The following ITGA9 variants were observed in gnomAD, a reference collection of about 807,000 sequenced individuals.
The protein encoded by ITGA9 is integrin subunit alpha 9.
A neutral mutation model predicts 127.8 loss-of-function variants in ITGA9; 56 were observed. The observed-to-expected ratio is 0.44, with a 90% confidence interval of 0.35 to 0.55. The LOEUF (loss-of-function observed/expected upper bound fraction) is 0.55. Among genes scored for constraint, ITGA9 ranks in the 20% least tolerant of loss-of-function variants. ITGA9 has a pLI of 0.00. For missense variants in ITGA9, 1,196 were observed against 1,347.1 expected, an observed-to-expected ratio of 0.89 and a Z score of 1.76; for synonymous variants, 508 against 514.5, an observed-to-expected ratio of 0.99 and a Z score of 0.17.
At chr3:37,488,005 C>T (rs1042155004) in intron 4 of ITGA9, among the ~76,000 whole-genome samples, 2 of 152,208 alleles carry the variant, frequency 1.3e-5, no homozygotes, top group African/African-American at 4.8e-5. Context: ...GGAGACCAAT[C>T]TGCTCTAGTC....
At chr3:37,473,136 C>CAAAAAAAAAAAAGAAAAA (rs1698451382) in intron 2 of ITGA9, among the ~76,000 whole-genome samples, 1 of 70,778 alleles carries the variant, frequency 1.4e-5, no homozygotes, top group Non-Finnish European at 2.5e-5. Context: ...GAGACTGTCT[C>CAAAAAAAAAAAAGAAAAA]AAAAAAAAAA....
chr3:37,581,603 C>T (rs1699710448), intron 15 of ITGA9, among the ~76,000 whole-genome samples: 1 of 152,224 alleles, frequency 6.6e-6, no homozygotes. Flanking sequence ...GTTTAGATGG[C>T]AGCTTCCAGA....
chr3:37,509,688 T>G (rs1443836858), intron 8 of ITGA9, among the ~76,000 whole-genome samples: 1 of 152,202 alleles, frequency 6.6e-6, no homozygotes, highest in African/African-American at 2.4e-5. Context: ...GGTTTTGCAT[T>G]TTTCCTCAGA....
intron 17 of ITGA9, among the ~76,000 whole-genome samples, chr3:37,656,224 A>G (rs969961037): frequency 1.3e-5 from 2 of 152,110 alleles, no homozygotes; most frequent in South Asian, 2.1e-4. Context: ...TTCTAATTCC[A>G]TGAAGAAAGT....
intron 15 of ITGA9, among the ~76,000 whole-genome samples, chr3:37,615,414 G>T (rs551231585): frequency 3.3e-5 from 5 of 152,304 alleles, no homozygotes; most frequent in Non-Finnish European, 7.4e-5. Context: ...CAGGGATACT[G>T]GTCTAAAATT....
chr3:37,458,832 G>A (rs1433322531), intron 1 of ITGA9, among the ~76,000 whole-genome samples: 3 of 152,182 alleles, frequency 2.0e-5, no homozygotes, highest in Non-Finnish European at 4.4e-5. Flanking sequence ...TGACTCACAA[G>A]GTGCCTCTTT....
intron 3 of ITGA9, among the ~76,000 whole-genome samples, chr3:37,474,118 T>G (rs1166136955): frequency 6.6e-6 from 1 of 152,232 alleles, no homozygotes; most frequent in Non-Finnish European, 1.5e-5. Context: ...TAACTAGTTA[T>G]TTATCGGACC....
At chr3:37,751,438 G>A (rs1696584962) in intron 23 of ITGA9, among the ~76,000 whole-genome samples, 1 of 152,146 alleles carries the variant, frequency 6.6e-6, no homozygotes, top group African/African-American at 2.4e-5. Flanking sequence ...GCATCTAGGA[G>A]TGTTCTCTTC....
At chr3:37,575,361 TGTAA>T (rs1699644133) in intron 15 of ITGA9, among the ~76,000 whole-genome samples, 1 of 152,146 alleles carries the variant, frequency 6.6e-6, no homozygotes, top group Non-Finnish European at 1.5e-5. Flanking sequence ...GAGGCTGCTG[TGTAA>T]CTTTGACTTT....
At chr3:37,650,777 T>G (rs1700422282) in intron 16 of ITGA9, among the ~76,000 whole-genome samples, 3 of 151,934 alleles carry the variant, frequency 2.0e-5, no homozygotes, top group Admixed American at 2.0e-4. Context: ...AGCTTCATGG[T>G]GTTCACTCAG....
intron 15 of ITGA9, among the ~76,000 whole-genome samples, chr3:37,567,011 A>T (rs942478596): frequency 4.6e-5 from 7 of 152,174 alleles, no homozygotes; most frequent in African/African-American, 4.8e-5. Context: ...AGAGGAGCTG[A>T]GCCACAGAAA....
intron 16 of ITGA9, among the ~76,000 whole-genome samples, chr3:37,634,362 G>A (rs1400453955): frequency 1.3e-5 from 2 of 149,904 alleles, no homozygotes; most frequent in Admixed American, 6.6e-5. Context: ...CTGCTTATAA[G>A]AGACTCACTT....
At chr3:37,494,406 C>T (rs1037269054) in intron 4 of ITGA9, 95 bp from the exon 5 acceptor site, 6 of 872,332 alleles carry the variant, frequency 6.9e-6, no homozygotes, top group Non-Finnish European at 1.1e-5. Flanking sequence ...CCGCGGCACT[C>T]GTGGGAAGTG....
At chr3:37,735,148 T>C (rs1392354211) in intron 19 of ITGA9, among the ~76,000 whole-genome samples, 3 of 152,260 alleles carry the variant, frequency 2.0e-5, no homozygotes, top group African/African-American at 4.8e-5. Flanking sequence ...TCTGACATTC[T>C]GTTCTTCCAG....
At chr3:37,755,890 A>G (rs922554306) in intron 23 of ITGA9, among the ~76,000 whole-genome samples, 5 of 152,124 alleles carry the variant, frequency 3.3e-5, no homozygotes, top group Non-Finnish European at 7.4e-5. Context: ...TTTAAGGGCA[A>G]CAAAAAACAA....
At chr3:37,617,905 A>G (rs1700090738) in intron 15 of ITGA9, among the ~76,000 whole-genome samples, 1 of 152,134 alleles carries the variant, frequency 6.6e-6, no homozygotes, top group Admixed American at 6.6e-5. Context: ...CCATGGGTTC[A>G]AACTTCCTCC....
rs1344504857 is a variant in ITGA9 at position 37,748,760 on chromosome 3, A to AG, written c.2434-1702_2434-1701insG. Reference sequence around the variant, plus strand: ...AAGACTCTGTCTTAAAAAAAAAAAAAAAAAAAAGAAGGAAGCCAAACAGAA... The same window carrying AG: ...AAGACTCTGTCTTAAAAAAAAAAAAAGAAAAAAAGAAGGAAGCCAAACAGAA... On this transcript the variant is annotated intron_variant, in intron 22 of 27. Transcript: ENST00000264741. 1.7e-5 allele frequency: 11 copies of AG among 634,370 alleles called. No homozygotes were observed. In the East Asian group the frequency reaches 2.5e-4, roughly 15 times the overall value. The allele number at this position is 634,370 out of a possible 1,614,324, so 39.3% of individuals were successfully genotyped here.
At chr3:37,494,459 G>A (rs950659770) in intron 4 of ITGA9, 42 bp from the exon 5 acceptor site, 2 of 1,423,292 alleles carry the variant, frequency 1.4e-6, no homozygotes, top group African/African-American at 2.8e-5. Context: ...GGCATACACT[G>A]ACATGGCTGT....
intron 7 of ITGA9, among the ~76,000 whole-genome samples, chr3:37,506,574 G>A (rs1424241737): frequency 5.3e-5 from 8 of 152,148 alleles, no homozygotes; most frequent in Non-Finnish European, 5.9e-5. Flanking sequence ...TCAGCCCAAA[G>A]GCTGGACTGG....
Sources: gnomAD v4.1 joint callset for allele counts (sites outside exome capture counted in the v4.1 genomes callset) on GRCh38, gnomAD v4.1.1 for gene constraint, MANE v1.5 for transcripts, NCBI Gene and HGNC (gene_info 2026-07-23, HGNC 2026-07-21) for gene names.